The following DOCK5 variants were observed in gnomAD, a reference collection of about 807,000 sequenced individuals.
The protein encoded by DOCK5 is dedicator of cytokinesis 5.
In DOCK5, 142 loss-of-function variants were observed where a neutral mutation model predicts 251.8. The observed-to-expected ratio is 0.56, with a 90% CI of 0.49 to 0.65. The LOEUF (loss-of-function observed/expected upper bound fraction) is 0.65. Among genes scored for constraint, DOCK5 ranks in the 30% least tolerant of loss-of-function variants. The pLI, the probability that DOCK5 is intolerant of heterozygous loss-of-function variation, is 0.00. For missense variants in DOCK5, 2,111 were observed against 2,312.3 expected (o/e 0.91, Z 1.79); for synonymous variants, 842 against 835.5 (o/e 1.01, Z -0.13).
intron 3 of DOCK5, among the ~76,000 whole-genome samples, chr8:25,273,846 C>A (rs1803976716): frequency 6.6e-6 from 1 of 152,122 alleles, no homozygotes; most frequent in South Asian, 2.1e-4. Context: ...GGTTCTGAAT[C>A]CCACCTCCAT....
intron 40 of DOCK5, among the ~76,000 whole-genome samples, chr8:25,386,087 T>C (rs755104853): frequency 3.8e-4 from 58 of 152,114 alleles, no homozygotes; most frequent in African/African-American, 1.3e-3. Context: ...CTTTCTAAAG[T>C]GTTTGCAAAG....
intron 1 of DOCK5, among the ~76,000 whole-genome samples, chr8:25,189,371 T>C (rs1801518428): frequency 6.6e-6 from 1 of 152,034 alleles, no homozygotes; most frequent in Non-Finnish European, 1.5e-5. Flanking sequence ...TTTTTTTTCT[T>C]TTCTTCTGAG....
rs1248654895 is a variant in DOCK5, at chr8:25,415,501, G to C, written c.*4203G>C. On this transcript the variant is annotated 3_prime_UTR_variant, in exon 52 of 52. Coordinates refer to ENST00000276440, the MANE Select transcript of DOCK5 (RefSeq NM_024940.8). Reference sequence around the variant, plus strand: ...GACGCCTAGGATCTAGCCAAGGCTGGTCTGCAGTATCAGATGTCCAAACTC... The same window carrying C: ...GACGCCTAGGATCTAGCCAAGGCTGCTCTGCAGTATCAGATGTCCAAACTC... 1 of 152,124 alleles carries C rather than the reference G, an allele frequency of 6.6e-6. No homozygotes were observed. The highest frequency in any genetic ancestry group is 6.5e-5 in the Admixed American group (1 of 15,272). The allele number at this position is 152,124 out of a possible 1,614,324, so 9.4% of individuals were successfully genotyped here. A position where few individuals can be genotyped will look rare whatever the true frequency, so the allele number is the denominator to read the frequency against.
chr8:25,368,227 T>A lies in DOCK5; in HGVS notation c.3260T>A (p.Ile1087Asn), dbSNP rs1220962590. The A allele has an allele frequency of 6.2e-7, 1 of 1,612,860 alleles. No individual in the cohort carries two copies. The highest frequency in any genetic ancestry group is 2.2e-5 in the East Asian group (1 of 44,872). ...GDMRKEIGFR[I>N]RDMWYNLGPH... ...ATGAGAAAGGAAATCGGCTTTAGAA[T>A]CCGGGACATGTGGTATAACCTGGGT... Residue 1087 changes from isoleucine (I) to asparagine (N), a missense_variant, in exon 32 of 52, where the codon ATC becomes AAC. Coordinates refer to ENST00000276440, the MANE Select transcript of DOCK5 (RefSeq NM_024940.8).
In DOCK5 at chr8:25,184,903, G is replaced by T. The variant is rs148681035; in HGVS notation, c.-6G>T. ...GTCGCCGCCGCCGCGGGGCGAGGTC[G>T]CCGCCATGGCCCGCTGGATCCCGAC... is the stretch of plus-strand genomic sequence containing the variant. On this transcript the variant is annotated 5_prime_UTR_variant, in exon 1 of 52. Transcript: ENST00000276440. 2,271 of 1,412,900 alleles carry T rather than the reference G, an allele frequency of 1.6e-3. 31 individuals are homozygous for T. In the African/African-American group the frequency reaches 0.03, roughly 19 times the overall value. 87.5% of individuals were successfully genotyped at this position (1,412,900 alleles called of 1,614,324 possible).
chr8:25,359,261 C>T (rs1297277308), intron 28 of DOCK5, among the ~76,000 whole-genome samples, 200 bp downstream of exon 28: 1 of 152,240 alleles, frequency 6.6e-6, no homozygotes, highest in Non-Finnish European at 1.5e-5. Context: ...GAGTACAACA[C>T]ATATACCAAG....
At position 25,345,482 on chromosome 8, in the gene DOCK5, A is replaced by G; in HGVS notation, c.2625A>G (p.Arg875=). 2 of 1,613,752 alleles carry G rather than the reference A, an allele frequency of 1.2e-6. No homozygotes were observed. The highest frequency in any genetic ancestry group is 1.7e-6 in the Non-Finnish European group (2 of 1,179,844). The part of the protein sequence containing the change: ...ESTLFRQSEC[R]EVLLPLLTDQ... ...CTGTGTTTTCCTTCTCAGAGTGCAG[A>G]GAAGTGCTGCTGCCACTGCTGACAG... The change falls in exon 26 of 52, where the codon AGA becomes AGG. Residue 875 remains arginine, a synonymous_variant. Transcript: ENST00000276440.
At chr8:25,376,397 G>T (rs533096955) in intron 37 of DOCK5, 2 of 983,202 alleles carry the variant, frequency 2.0e-6, no homozygotes, top group Middle Eastern at 5.2e-4. Context: ...TCTTATTTTG[G>T]GGGGAGGGAA....
intron 1 of DOCK5, among the ~76,000 whole-genome samples, chr8:25,237,025 AG>A (rs1480466757): frequency 1.3e-5 from 2 of 152,152 alleles, no homozygotes; most frequent in Non-Finnish European, 2.9e-5. Context: ...GCTATTCTTC[AG>A]GGGATTGTAA....
At chr8:25,236,386 T>A (rs1185687618) in intron 1 of DOCK5, among the ~76,000 whole-genome samples, 1 of 152,198 alleles carries the variant, frequency 6.6e-6, no homozygotes, top group Non-Finnish European at 1.5e-5. Flanking sequence ...TATTATTGAA[T>A]ATGATTTTCT....
At position 25,377,360 on chromosome 8, in the gene DOCK5, A is replaced by T. The variant is rs1375772944; in HGVS notation, c.3872A>T (p.Tyr1291Phe). 2.5e-6 allele frequency: 4 copies of T among 1,613,746 alleles called. No homozygotes were observed. In the African/African-American group the frequency reaches 4.0e-5, roughly 16 times the overall value. Residue 1291 changes from tyrosine (Y) to phenylalanine (F), a missense_variant, in exon 38 of 52, where the codon TAT becomes TTT. By Grantham distance (22) the Tyr-to-Phe change is conservative (BLOSUM62 3). Coordinates refer to ENST00000276440, the MANE Select transcript of DOCK5 (RefSeq NM_024940.8). ...CTTCAGAAGGACAGTTACTATGTTTATACCCAGCAAGAGCTTAAAGAGAAG... is the reference window on the plus strand; with the variant it reads ...CTTCAGAAGGACAGTTACTATGTTTTTACCCAGCAAGAGCTTAAAGAGAAG... The part of the protein sequence containing the change: ...HLLQKDSYYV[Y>F]TQQELKEKLY...
In DOCK5 at chr8:25,391,777, G is replaced by T. The variant is rs541176945; in HGVS notation, c.4356-119G>T. 91 of 716,702 alleles carry T rather than the reference G, an allele frequency of 1.3e-4. 2 individuals are homozygous for T. The South Asian group carries it at 1.8e-3, about 14-fold the overall frequency. 44.4% of individuals were successfully genotyped at this position (716,702 alleles called of 1,614,324 possible). A position where few individuals can be genotyped will look rare whatever the true frequency, so the allele number is the denominator to read the frequency against. ...TTCATGTGGAGGCACTATTGATTAT[G>T]AGATAGCTTAGTGGGTAAAACTCAG... On this transcript the variant is annotated intron_variant, in intron 42 of 51. Coordinates refer to ENST00000276440, the MANE Select transcript of DOCK5 (RefSeq NM_024940.8).
intron 5 of DOCK5, among the ~76,000 whole-genome samples, chr8:25,291,178 G>A (rs1257710064): frequency 6.6e-6 from 1 of 152,092 alleles, no homozygotes; most frequent in Non-Finnish European, 1.5e-5. Context: ...TTAAACCCAG[G>A]AGGGGCATGG....
intron 25 of DOCK5, among the ~76,000 whole-genome samples, chr8:25,343,287 G>T (rs1390325538): frequency 4.6e-5 from 7 of 152,098 alleles, no homozygotes; most frequent in Non-Finnish European, 8.8e-5. Flanking sequence ...GGGATTACAG[G>T]CATAATTACC....
At chr8:25,380,942 G>A (rs965034445) in intron 39 of DOCK5, among the ~76,000 whole-genome samples, 1 of 151,600 alleles carries the variant, frequency 6.6e-6, no homozygotes, top group Non-Finnish European at 1.5e-5. Context: ...GCCCAGTGGA[G>A]GAGGCAGCCA....
chr8:25,300,593 G>C lies in DOCK5; in HGVS notation c.782G>C (p.Arg261Pro). Reference sequence around the variant, plus strand: ...TTTGCCAGTGAGAACTATCTAATTCGTTGGGGCAGTAACGGGATGCCCAAG... The same window carrying C: ...TTTGCCAGTGAGAACTATCTAATTCCTTGGGGCAGTAACGGGATGCCCAAG... ...STFISENYLI[R>P]WGSNGMPKEI... Residue 261 changes from arginine (R) to proline (P), a missense_variant, in exon 9 of 52, where the codon CGT (arginine) becomes CCT (proline). This residue lies in a region of DOCK5 where 335 missense variants were observed against 324.9 expected (regional missense o/e 1.03). Coordinates refer to ENST00000276440, the MANE Select transcript of DOCK5 (RefSeq NM_024940.8). 1 of 1,612,970 alleles carries C rather than the reference G, an allele frequency of 6.2e-7. No individual in the cohort carries two copies. The highest frequency in any genetic ancestry group is 8.5e-7 in the Non-Finnish European group (1 of 1,179,490).
At chr8:25,408,473 T>A (rs1801562409) in intron 49 of DOCK5, among the ~76,000 whole-genome samples, 1 of 152,234 alleles carries the variant, frequency 6.6e-6, no homozygotes, top group Non-Finnish European at 1.5e-5. Context: ...TTAATTTTTT[T>A]AAAAGGTACT....
intron 36 of DOCK5, among the ~76,000 whole-genome samples, 180 bp downstream of exon 36, chr8:25,373,838 C>T (rs561859429): frequency 9.2e-5 from 14 of 152,222 alleles, no homozygotes; most frequent in South Asian, 6.2e-4. Flanking sequence ...TGAATAAGTA[C>T]GACAGGAAGG....
chr8:25,355,927 T>A (rs1353091024), intron 27 of DOCK5, among the ~76,000 whole-genome samples: 14 of 151,556 alleles, frequency 9.2e-5, no homozygotes, highest in Admixed American at 9.2e-4. Flanking sequence ...GCATGGTGGC[T>A]CACGCCTGTA....
Sources: allele counts gnomAD v4.1 joint callset (sites outside exome capture counted in the v4.1 genomes callset), GRCh38; gene constraint gnomAD v4.1.1; regional missense constraint gnomAD v4.1.1; transcripts MANE v1.5; gene names NCBI Gene and HGNC (gene_info 2026-07-23, HGNC 2026-07-21).